Variants in LSG1 observed in about 807,000 individuals in gnomAD.
LSG1 encodes large 60S subunit nuclear export GTPase 1, also known as large subunit GTPase 1 homolog.
Under a neutral mutation model 82.6 loss-of-function variants are expected in LSG1, and 55 were observed. The observed-to-expected ratio is 0.67, with a 90% CI of 0.54 to 0.83. The LOEUF (loss-of-function observed/expected upper bound fraction) is 0.83. LSG1 is among the 40% of genes least tolerant of loss of function. The pLI, the probability that LSG1 is intolerant of heterozygous loss-of-function variation, is 0.00. For synonymous variants in LSG1, 272 were observed against 282.5 expected, an observed-to-expected ratio of 0.96 and a Z score of 0.37; for missense variants, 809 against 807.9, an observed-to-expected ratio of 1.00 and a Z score of -0.02.
In LSG1 at chr3:194,644,684, G is replaced by A. The variant is rs1560219063; in HGVS notation, c.1686C>T (p.His562=). ...TCATTTTGTTCTCTAGGAGTCGCTGGTGTTGATGCTGAAAAGTTACAGGAT... is the reference window on the plus strand; with the variant it reads ...TCATTTTGTTCTCTAGGAGTCGCTGATGTTGATGCTGAAAAGTTACAGGAT... ...GRDPVTFQHQ[H]QRLLENKMNS... The change falls in exon 13 of 14, where the codon CAC becomes CAT. Residue 562 remains histidine, a synonymous_variant. Transcript: ENST00000265245. 6.2e-7 allele frequency: 1 copy of A among 1,610,236 alleles called. No homozygotes were observed. The highest frequency in any genetic ancestry group is 8.5e-7 in the Non-Finnish European group (1 of 1,177,892).
Position 194,644,586 on chromosome 3 carries a change from G to GTT in LSG1, c.1782_1783dup (p.Thr595LysfsTer9). ...TTTAAAACTTACTTGATGGAAAAAA[G>GTT]TTTTGTCAACGATATTTTCAATCTG... On this transcript the variant is annotated frameshift_variant, in exon 13 of 14. Transcript: ENST00000265245. LOFTEE classifies it high-confidence loss of function. 1 of 1,610,164 alleles carries GTT rather than the reference G, an allele frequency of 6.2e-7. No homozygotes were observed. The highest frequency in any genetic ancestry group is 8.5e-7 in the Non-Finnish European group (1 of 1,178,880).
At chr3:194,657,639 A>G (rs1244446137) in intron 7 of LSG1, among the ~76,000 whole-genome samples, 1 of 152,110 alleles carries the variant, frequency 6.6e-6, no homozygotes, top group Non-Finnish European at 1.5e-5. Flanking sequence ...GGAATAACGT[A>G]TTCAATTAGG....
At chr3:194,642,446 C>G (rs13090198) in intron 13 of LSG1, among the ~76,000 whole-genome samples, 199 bp from the exon 14 acceptor site, 21,069 of 150,882 alleles carry the variant, frequency 0.14, 2,119 homozygotes, top group East Asian at 0.42. Context: ...CTCATTCCCT[C>G]GTCAACTTTG....
chr3:194,660,979 G>A (rs1466590392), intron 5 of LSG1: 8 of 448,192 alleles, frequency 1.8e-5, no homozygotes, highest in Non-Finnish European at 2.7e-5. Flanking sequence ...CGTGACTGCC[G>A]CTGGGAGGAC....
chr3:194,642,015 T>C lies in LSG1; in HGVS notation c.*53A>G, dbSNP rs990540217. 46 of 1,579,700 alleles carry C rather than the reference T, an allele frequency of 2.9e-5. No homozygotes were observed. Among genetic ancestry groups the C allele is most frequent in the Middle Eastern group, 2.3e-4 (1 of 4,328 alleles). On this transcript the variant is annotated 3_prime_UTR_variant, in exon 14 of 14. Transcript: ENST00000265245. ...ACGGTTCCACAGGCAACAGGCAGCT[T>C]CTGCTCTTTTCCATCTGCACAATGC...
intron 5 of LSG1, among the ~76,000 whole-genome samples, chr3:194,665,121 T>A (rs1243081925): frequency 6.6e-6 from 1 of 152,198 alleles, no homozygotes; most frequent in Non-Finnish European, 1.5e-5. Flanking sequence ...CATTCATCTG[T>A]GTGTCCCTGG....
At chr3:194,655,851 T>C (rs895907182) in intron 7 of LSG1, among the ~76,000 whole-genome samples, 1 of 152,028 alleles carries the variant, frequency 6.6e-6, no homozygotes, top group Non-Finnish European at 1.5e-5. Flanking sequence ...ATGCCACACA[T>C]CTACAATTAT....
In LSG1 at chr3:194,652,842, T is replaced by C. The variant is rs1258835801; in HGVS notation, c.1060A>G (p.Lys354Glu). Residue 354 changes from lysine (K) to glutamate (E), a missense_variant, in exon 8 of 14, where the codon AAG (lysine) becomes GAG (glutamate). Physicochemically the swap from Lys to Glu is moderately conservative, Grantham distance 56. Coordinates refer to ENST00000265245, the MANE Select transcript of LSG1 (RefSeq NM_018385.3). ...TGGCTAAAATTGTGTATCTGCCTCT[T>C]CTGTGGGGTTTTCCTGCTCCGAGCC... ...SEARSRKTPQ[K>E]RQIHNFSHLV... is the part of the protein sequence containing the mutation. The C allele has an allele frequency of 6.2e-7, 1 of 1,614,018 alleles. No individual in the cohort carries two copies. The highest frequency in any genetic ancestry group is 2.2e-5 in the East Asian group (1 of 44,892).
intron 1 of LSG1, 95 bp from the exon 2 acceptor site, chr3:194,670,230 G>T: frequency 7.3e-7 from 1 of 1,364,884 alleles, no homozygotes; most frequent in Non-Finnish European, 1.0e-6. Context: ...CTATGGTCTT[G>T]AGGGTGGTTG....
intron 8 of LSG1, 87 bp downstream of exon 8, chr3:194,652,642 G>C: frequency 9.1e-6 from 13 of 1,421,176 alleles, no homozygotes; most frequent in Non-Finnish European, 1.2e-5. Context: ...CCGGAAGCCT[G>C]GTTGGTCTTT....
chr3:194,652,980 C>G lies in LSG1; in HGVS notation c.922G>C (p.Glu308Gln). 1 of 1,614,184 alleles carries G rather than the reference C, an allele frequency of 6.2e-7. No individual in the cohort carries two copies. The highest frequency in any genetic ancestry group is 8.5e-7 in the Non-Finnish European group (1 of 1,180,032). The change falls in exon 8 of 14, where the codon GAG becomes CAG. Residue 308 changes from glutamate (E) to glutamine (Q), a missense_variant. Glu to Gln is a conservative substitution (Grantham distance 29, BLOSUM62 2). Coordinates refer to ENST00000265245, the MANE Select transcript of LSG1 (RefSeq NM_018385.3). ...TCTTCCTCCTCCTCTGGACAGTCCT[C>G]ATACTCACTGTCATCTTCATCCGTT... ...PTTDEDDSEY[E>Q]DCPEEEEDDW...
intron 12 of LSG1, among the ~76,000 whole-genome samples, 193 bp downstream of exon 12, chr3:194,645,971 T>C (rs534026468): frequency 5.3e-5 from 8 of 152,356 alleles, no homozygotes; most frequent in African/African-American, 1.9e-4. Flanking sequence ...TCACTCATAA[T>C]AGGTGTTCAG....
chr3:194,651,484 C>T, intron 8 of LSG1: 2 of 438,746 alleles, frequency 4.6e-6, no homozygotes, highest in South Asian at 5.1e-5. Flanking sequence ...CAGAAAATTT[C>T]ATCCCCTTGT....
chr3:194,669,983 C>A (rs984488352), intron 2 of LSG1, 26 bp downstream of exon 2: 2 of 1,611,280 alleles, frequency 1.2e-6, no homozygotes, highest in Non-Finnish European at 1.7e-6. Flanking sequence ...GACAGTCTCA[C>A]CTGCACTCAG....
chr3:194,664,235 G>A (rs1162154033), intron 5 of LSG1, among the ~76,000 whole-genome samples: 1 of 152,160 alleles, frequency 6.6e-6, no homozygotes, highest in Admixed American at 6.5e-5. Flanking sequence ...TCACAGGTGT[G>A]AGCCACCGCG....
At chr3:194,645,898 G>C (rs548248467) in intron 12 of LSG1, among the ~76,000 whole-genome samples, 5 of 152,254 alleles carry the variant, frequency 3.3e-5, no homozygotes, top group African/African-American at 1.2e-4. Context: ...GACAATAGTT[G>C]CAATCATAAC....
Position 194,645,539 on chromosome 3 carries a change from C to CACACACACACACACAGACAG in LSG1, c.1623+624_1623+625insCTGTCTGTGTGTGTGTGTGT, listed in dbSNP as rs1560219663. 59 of 32,408 alleles carry CACACACACACACACAGACAG rather than the reference C, an allele frequency of 1.8e-3. 4 individuals carry two copies. The South Asian group carries it at 0.02, about 11-fold the overall frequency. The allele number at this position is 32,408 out of a possible 1,614,324, so 2.0% of individuals were successfully genotyped here. A position where few individuals can be genotyped will look rare whatever the true frequency, so the allele number is the denominator to read the frequency against. ...ACACACACACACACACAGACAGACA[C>CACACACACACACACAGACAG]ACACACACACACACACACACACACA... is the stretch of plus-strand genomic sequence containing the variant. On this transcript the variant is annotated intron_variant, in intron 12 of 13. Transcript: ENST00000265245.
chr3:194,669,793 G>A (rs1408584174), intron 2 of LSG1, among the ~76,000 whole-genome samples: 3 of 152,132 alleles, frequency 2.0e-5, no homozygotes, highest in African/African-American at 7.2e-5. Context: ...TTAGCCAGGC[G>A]TGGCAGTGCG....
At chr3:194,647,804 T>A (rs1194649612) in intron 11 of LSG1, among the ~76,000 whole-genome samples, 1 of 152,202 alleles carries the variant, frequency 6.6e-6, no homozygotes, top group African/African-American at 2.4e-5. Flanking sequence ...TGAGTTCGGA[T>A]GATTACTCTT....
Sources: allele counts gnomAD v4.1 joint callset (sites outside exome capture counted in the v4.1 genomes callset), GRCh38; gene constraint gnomAD v4.1.1; transcripts MANE v1.5; gene names NCBI Gene and HGNC (gene_info 2026-07-23, HGNC 2026-07-21).